Variants in PIEZO2 observed in about 807,000 individuals in gnomAD.
The protein encoded by PIEZO2 is piezo type mechanosensitive ion channel component 2, also known as piezo-type mechanosensitive ion channel component 2.
In PIEZO2, 172 loss-of-function variants were observed where a neutral mutation model predicts 337.3. The observed-to-expected ratio is 0.51, with a 90% CI of 0.45 to 0.58. PIEZO2 has a LOEUF of 0.58. Among genes scored for constraint, PIEZO2 ranks in the 20% least tolerant of loss-of-function variants. The probability of loss-of-function intolerance (pLI) is 0.00; values close to 1 mark genes in which losing one functional copy is unlikely to be tolerated. For synonymous variants in PIEZO2, 1,251 were observed against 1,228.5 expected (o/e 1.02, Z -0.38); for missense variants, 3,028 against 3,391.3 (o/e 0.89, Z 2.66).
intron 35 of PIEZO2, among the ~76,000 whole-genome samples, chr18:10,734,965 C>T (rs1212586649): frequency 6.6e-6 from 1 of 152,196 alleles, no homozygotes; most frequent in African/African-American, 2.4e-5. Flanking sequence ...ATGAGAAGGA[C>T]AGCAAGTATA....
chr18:10,760,349 G>A (rs761273480), intron 24 of PIEZO2, among the ~76,000 whole-genome samples: 26 of 152,166 alleles, frequency 1.7e-4, no homozygotes, highest in Middle Eastern at 3.2e-3. Flanking sequence ...CTGTCACCCA[G>A]GCTAGAGTGC....
At chr18:11,019,752 T>C (rs142307064) in intron 2 of PIEZO2, among the ~76,000 whole-genome samples, 4 of 152,352 alleles carry the variant, frequency 2.6e-5, no homozygotes, top group African/African-American at 9.6e-5. Context: ...GCCACTGAGA[T>C]ACTGTGATTG....
chr18:11,100,991 T>G (rs1028974912), intron 1 of PIEZO2, among the ~76,000 whole-genome samples: 1 of 152,170 alleles, frequency 6.6e-6, no homozygotes, highest in Non-Finnish European at 1.5e-5. Flanking sequence ...CAGGGGGTCA[T>G]AGTTAACTCA....
In PIEZO2 at chr18:10,830,563, A is replaced by G. The variant is rs1275235686; in HGVS notation, c.918-23289T>C. On this transcript the variant is annotated intron_variant, in intron 7 of 55. Coordinates refer to ENST00000674853, the MANE Select transcript of PIEZO2 (RefSeq NM_001378183.1). The surrounding 1 kb of genome is among the most constrained non-coding windows in gnomAD (Gnocchi z 4.7). ...TTAAAGACTTAAATCTAAGACCTCA[A>G]GCTATAAAACTACTAAAAGAAAACA... 6.6e-6 allele frequency among the ~76,000 whole-genome samples: 1 copy of G among 152,082 alleles called. No homozygotes were observed.
rs2036580740 is a variant in PIEZO2 at position 11,027,563 on chromosome 18, T to C, written c.160+38564A>G. 6.6e-6 allele frequency among the ~76,000 whole-genome samples: 1 copy of C among 152,236 alleles called. No individual in the cohort carries two copies. Among genetic ancestry groups the C allele is most frequent in the African/African-American group, 2.4e-5 (1 of 41,474 alleles). On this transcript the variant is annotated intron_variant, in intron 2 of 55. Coordinates refer to ENST00000674853, the MANE Select transcript of PIEZO2 (RefSeq NM_001378183.1). This position sits in a 1 kb window ranked among gnomAD's most constrained non-coding sequence, Gnocchi z 4.2. ...TCTGGAATAATCTTTAACTTCACAA[T>C]TCATCTGTATGCTTCTGTTTGGTTT...
intron 36 of PIEZO2, chr18:10,725,476 T>A: frequency 6.5e-7 from 1 of 1,528,528 alleles, no homozygotes; most frequent in Non-Finnish European, 8.9e-7. Flanking sequence ...GGTGTGGGTA[T>A]CCGGGTGGAT....
At position 10,943,745 on chromosome 18, in the gene PIEZO2, G is replaced by A. The variant is rs1283819676; in HGVS notation, c.287-32517C>T. On this transcript the variant is annotated intron_variant, in intron 3 of 55. Transcript: ENST00000674853. This position sits in a 1 kb window ranked among gnomAD's most constrained non-coding sequence, Gnocchi z 4.5. ...AAATGTGAAGATATGAGATTTGGGA[G>A]GGGCCAGGGGCAGAATGACATGGTT... is the stretch of plus-strand genomic sequence containing the variant. Among the ~76,000 whole-genome samples the A allele has an allele frequency of 6.6e-6, 1 of 152,174 alleles. No individual in the cohort carries two copies. Among genetic ancestry groups the A allele is most frequent in the Non-Finnish European group, 1.5e-5 (1 of 68,044 alleles).
In PIEZO2 at chr18:10,939,079, C is replaced by CAA. The variant is rs113892869; in HGVS notation, c.287-27853_287-27852dup. Reference sequence around the variant, plus strand: ...TCTGTCTCAAAAACAAAAAACAAAACAAAAAAAAAATGTAAGTTTACATTC... The same window carrying CAA: ...TCTGTCTCAAAAACAAAAAACAAAACAAAAAAAAAAAATGTAAGTTTACATTC... On this transcript the variant is annotated intron_variant, in intron 3 of 55. Transcript: ENST00000674853. 5.9e-4 allele frequency among the ~76,000 whole-genome samples: 66 copies of CAA among 111,028 alleles called. 1 individual carries two copies. The highest frequency in any genetic ancestry group is 1.6e-3 in the African/African-American group (57 of 34,700). 72.8% of individuals were successfully genotyped at this position (111,028 alleles called of 152,430 possible).
rs1201415207 is a variant in PIEZO2, at chr18:10,673,105, T to A, written c.8162-232A>T. On this transcript the variant is annotated intron_variant, in intron 54 of 55. Transcript: ENST00000674853. This position sits in a 1 kb window ranked among gnomAD's most constrained non-coding sequence, Gnocchi z 4.8. ...GTCAGCCGCTGTTGCTACATGGGCATGGCAGCAAAACCACAGGGCAAAAGT... is the reference window on the plus strand; with the variant it reads ...GTCAGCCGCTGTTGCTACATGGGCAAGGCAGCAAAACCACAGGGCAAAAGT... Among the ~76,000 whole-genome samples, 1 of 152,152 alleles carries A rather than the reference T, an allele frequency of 6.6e-6. No individual in the cohort carries two copies. Among genetic ancestry groups the A allele is most frequent in the Non-Finnish European group, 1.5e-5 (1 of 68,024 alleles).
chr18:10,711,216 T>G (rs1223818702), intron 39 of PIEZO2, among the ~76,000 whole-genome samples: 1 of 152,356 alleles, frequency 6.6e-6, no homozygotes, highest in East Asian at 1.9e-4. Flanking sequence ...AATTGTGATT[T>G]ATAATATTTA....
In PIEZO2 at chr18:10,988,283, T is replaced by G. The variant is rs1026855034; in HGVS notation, c.161-8623A>C. On this transcript the variant is annotated intron_variant, in intron 2 of 55. Coordinates refer to ENST00000674853, the MANE Select transcript of PIEZO2 (RefSeq NM_001378183.1). The surrounding 1 kb of genome is among the most constrained non-coding windows in gnomAD (Gnocchi z 4.8). ...TCACCAGACACCAAAGCTGAAGGCA[T>G]GCTGATTTTGGACTTCCCACCCTCT... is the stretch of plus-strand genomic sequence containing the variant. 4.6e-5 allele frequency among the ~76,000 whole-genome samples: 7 copies of G among 152,186 alleles called. No individual in the cohort carries two copies. Among genetic ancestry groups the G allele is most frequent in the African/African-American group, 1.7e-4 (7 of 41,446 alleles).
intron 11 of PIEZO2, among the ~76,000 whole-genome samples, chr18:10,798,669 C>T (rs996278597): frequency 2.0e-5 from 3 of 152,070 alleles, no homozygotes; most frequent in Admixed American, 6.5e-5. Flanking sequence ...CTGGGTTGTC[C>T]GTGTCAGCAC....
rs2038575054 is a variant in PIEZO2, at chr18:11,077,117, T to G, written c.65-10895A>C. ...ATACTTGAAATTAGACCTATTTCAT[T>G]ATGAATATAAAGAGCCCTTCACTGA... On this transcript the variant is annotated intron_variant, in intron 1 of 55. Transcript: ENST00000674853. This position sits in a 1 kb window ranked among gnomAD's most constrained non-coding sequence, Gnocchi z 4.8. 6.6e-6 allele frequency among the ~76,000 whole-genome samples: 1 copy of G among 152,224 alleles called. No individual in the cohort carries two copies. The highest frequency in any genetic ancestry group is 1.5e-5 in the Non-Finnish European group (1 of 68,046).
chr18:10,818,095 A>G (rs1237275018), intron 7 of PIEZO2, among the ~76,000 whole-genome samples: 1 of 152,116 alleles, frequency 6.6e-6, no homozygotes, highest in African/African-American at 2.4e-5. Context: ...AGATAAATAG[A>G]CTAAATAGAT....
At chr18:10,738,011 T>G (rs1363386412) in intron 33 of PIEZO2, 2 of 152,194 alleles carry the variant, frequency 1.3e-5, no homozygotes, top group Non-Finnish European at 2.9e-5. Context: ...AGATACACAG[T>G]GGGTGAATTG....
At chr18:11,089,271 G>A (rs1406491068) in intron 1 of PIEZO2, among the ~76,000 whole-genome samples, 1 of 152,144 alleles carries the variant, frequency 6.6e-6, no homozygotes, top group East Asian at 1.9e-4. Flanking sequence ...ATCTTAATCT[G>A]TCTTGACAAC....
At chr18:11,130,071 T>G (rs2040298260) in intron 1 of PIEZO2, among the ~76,000 whole-genome samples, 2 of 151,984 alleles carry the variant, frequency 1.3e-5, no homozygotes, top group African/African-American at 4.8e-5. Context: ...CCTAGAAAAA[T>G]AGTAAGTCAA....
intron 54 of PIEZO2, among the ~76,000 whole-genome samples, chr18:10,674,052 G>T (rs114884548): frequency 5.6e-4 from 86 of 152,300 alleles, no homozygotes; most frequent in African/African-American, 2.0e-3. Context: ...TCCAAGAATG[G>T]TACTTGACAA....
chr18:10,842,696 G>C (rs1431210975), intron 7 of PIEZO2, among the ~76,000 whole-genome samples: 1 of 152,182 alleles, frequency 6.6e-6, no homozygotes, highest in South Asian at 2.1e-4. Flanking sequence ...TTCCTTCATG[G>C]CAACATTAAA....
Sources: allele counts gnomAD v4.1 joint callset (sites outside exome capture counted in the v4.1 genomes callset), GRCh38; gene constraint gnomAD v4.1.1; non-coding constraint Gnocchi (gnomAD v3.1); transcripts MANE v1.5; gene names NCBI Gene and HGNC (gene_info 2026-07-23, HGNC 2026-07-21).